GRID2: variants seen among roughly 807,000 people sequenced by gnomAD.
GRID2 encodes glutamate ionotropic receptor delta type subunit 2.
A neutral mutation model predicts 114.8 loss-of-function variants in GRID2; 33 were observed. The ratio of observed to expected loss-of-function variants is 0.29; its 90% CI spans 0.22 to 0.38. The LOEUF (loss-of-function observed/expected upper bound fraction) is 0.38. Ranked by LOEUF, GRID2 falls within the 10% of genes least tolerant of loss-of-function variation. GRID2 has a pLI of 1.00. For synonymous variants in GRID2, 505 were observed against 449.9 expected (o/e 1.12, Z -1.55); for missense variants, 1,184 against 1,257.7 (o/e 0.94, Z 0.89).
intron 8 of GRID2, among the ~76,000 whole-genome samples, chr4:93,310,414 C>T (rs948130932): frequency 2.0e-5 from 3 of 152,028 alleles, no homozygotes; most frequent in Admixed American, 6.6e-5. Context: ...TCCTGTAGTC[C>T]CAGCTACTTG....
At chr4:92,685,319 C>T (rs1390155460) in intron 2 of GRID2, among the ~76,000 whole-genome samples, 1 of 151,716 alleles carries the variant, frequency 6.6e-6, no homozygotes, top group Non-Finnish European at 1.5e-5. Flanking sequence ...TTTCCCGTGC[C>T]CAGGTAAGGG....
chr4:92,434,328 T>G (rs1387562495), intron 1 of GRID2, among the ~76,000 whole-genome samples: 2 of 152,234 alleles, frequency 1.3e-5, no homozygotes, highest in Admixed American at 6.5e-5. Flanking sequence ...ATTTCCTCAC[T>G]GACTGGATCA....
At chr4:92,811,731 A>G (rs2149379550) in intron 2 of GRID2, among the ~76,000 whole-genome samples, 1 of 152,248 alleles carries the variant, frequency 6.6e-6, no homozygotes, top group East Asian at 1.9e-4. Flanking sequence ...TGAGTAAAAT[A>G]TAAACAGTCG....
intron 4 of GRID2, among the ~76,000 whole-genome samples, chr4:93,183,004 T>C (rs895248566): frequency 4.6e-5 from 7 of 152,222 alleles, no homozygotes; most frequent in Non-Finnish European, 1.0e-4. Flanking sequence ...TGAGAAAGAC[T>C]ATACTGGCCT....
chr4:93,160,073 A>G (rs111710356), intron 4 of GRID2, among the ~76,000 whole-genome samples: 14 of 151,914 alleles, frequency 9.2e-5, no homozygotes, highest in South Asian at 4.1e-4. Flanking sequence ...GGATATATAG[A>G]TAATCTTTGG....
chr4:93,670,006 C>T (rs1724270263), intron 14 of GRID2, among the ~76,000 whole-genome samples: 1 of 151,970 alleles, frequency 6.6e-6, no homozygotes, highest in Non-Finnish European at 1.5e-5. Context: ...TGATGAACTT[C>T]CCAGGATAAA....
At chr4:92,334,223 T>C (rs1215150029) in intron 1 of GRID2, among the ~76,000 whole-genome samples, 2 of 152,198 alleles carry the variant, frequency 1.3e-5, no homozygotes, top group Admixed American at 6.5e-5. Flanking sequence ...TCCACCAACA[T>C]TCTGATTATG....
chr4:92,690,412 G>A (rs1003984293), intron 2 of GRID2, among the ~76,000 whole-genome samples: 4 of 152,020 alleles, frequency 2.6e-5, no homozygotes, highest in East Asian at 1.9e-4. Flanking sequence ...TATGAGTGTC[G>A]TCCAAGTTGC....
chr4:92,430,734 A>G (rs1180952644), intron 1 of GRID2, among the ~76,000 whole-genome samples: 3 of 152,164 alleles, frequency 2.0e-5, no homozygotes, highest in Non-Finnish European at 4.4e-5. Context: ...CTTCTAATCC[A>G]TGAACATTGA....
chr4:92,446,386 G>T (rs1189027109), intron 1 of GRID2, among the ~76,000 whole-genome samples: 4 of 152,214 alleles, frequency 2.6e-5, no homozygotes, highest in Admixed American at 2.0e-4. Flanking sequence ...TTGATATATA[G>T]TTGCTCCAGT....
chr4:93,373,735 C>T (rs879661320), intron 8 of GRID2, among the ~76,000 whole-genome samples: 2 of 152,156 alleles, frequency 1.3e-5, no homozygotes, highest in Non-Finnish European at 2.9e-5. Flanking sequence ...AACTTCTCTC[C>T]TATGCATCTT....
At chr4:93,101,429 C>T (rs1057453128) in intron 3 of GRID2, among the ~76,000 whole-genome samples, 1 of 151,964 alleles carries the variant, frequency 6.6e-6, no homozygotes. Flanking sequence ...CCCCTCTACC[C>T]TTCTTGGCCC....
chr4:93,431,158 C>T (rs963470859), intron 10 of GRID2, among the ~76,000 whole-genome samples: 2 of 152,062 alleles, frequency 1.3e-5, no homozygotes, highest in Non-Finnish European at 2.9e-5. Context: ...GGTTGTGTAA[C>T]TAATTGGGAC....
At chr4:93,119,164 A>T (rs937727691) in intron 4 of GRID2, among the ~76,000 whole-genome samples, 11 of 152,170 alleles carry the variant, frequency 7.2e-5, no homozygotes, top group African/African-American at 2.4e-4. Flanking sequence ...CTCATTCAAG[A>T]GTATCAAAGC....
intron 4 of GRID2, among the ~76,000 whole-genome samples, chr4:93,155,420 A>G (rs1737087345): frequency 6.6e-6 from 1 of 151,882 alleles, no homozygotes; most frequent in Non-Finnish European, 1.5e-5. Context: ...TAAGGTCACC[A>G]TTTTAGGAAT....
intron 4 of GRID2, among the ~76,000 whole-genome samples, chr4:93,163,383 T>C (rs1397964612): frequency 2.2e-5 from 1 of 44,978 alleles, no homozygotes; most frequent in Non-Finnish European, 4.5e-5. Context: ...TATATATATA[T>C]ATATATATAT....
intron 1 of GRID2, among the ~76,000 whole-genome samples, chr4:92,444,688 G>A (rs138822908): frequency 6.6e-5 from 10 of 152,212 alleles, no homozygotes; most frequent in South Asian, 6.2e-4. Flanking sequence ...AAAAGGGGGC[G>A]TTTGTCTTCT....
chr4:93,501,956 C>T (rs72668800), intron 12 of GRID2, among the ~76,000 whole-genome samples: 6,158 of 152,108 alleles, frequency 0.04, 188 homozygotes, highest in African/African-American at 0.082. Context: ...TCTGTTACTT[C>T]CTCCCCTTAC....
intron 1 of GRID2, among the ~76,000 whole-genome samples, chr4:92,376,350 T>C (rs147964154): frequency 2.8e-4 from 43 of 152,204 alleles, no homozygotes; most frequent in African/African-American, 9.4e-4. Flanking sequence ...ACCTCCTTCA[T>C]ATCTCACATC....
Sources: gnomAD v4.1 joint callset for allele counts (sites outside exome capture counted in the v4.1 genomes callset) on GRCh38, gnomAD v4.1.1 for gene constraint, MANE v1.5 for transcripts, NCBI Gene and HGNC (gene_info 2026-07-23, HGNC 2026-07-21) for gene names.